Variants in RALYL observed in about 807,000 individuals in gnomAD.
RALYL encodes RNA-binding Raly-like protein.
In RALYL, 29 loss-of-function variants were observed where a neutral mutation model predicts 35.1. The ratio of observed to expected loss-of-function variants is 0.83; its 90% confidence interval spans 0.61 to 1.13. The LOEUF (loss-of-function observed/expected upper bound fraction) is 1.13, where lower values mean the gene tolerates loss of function less well. RALYL is among the 50% of genes most tolerant of loss of function. RALYL has a pLI of 0.00. For missense variants in RALYL, 359 were observed against 360.4 expected (o/e 1.00, Z 0.03); for synonymous variants, 120 against 127.6 (o/e 0.94, Z 0.40).
chr8:84,668,876 A>C (rs1180375653), intron 2 of RALYL, among the ~76,000 whole-genome samples: 1 of 152,122 alleles, frequency 6.6e-6, no homozygotes, highest in African/African-American at 2.4e-5. Flanking sequence ...GTAGACAATC[A>C]AGTATCCAAG....
chr8:84,722,126 G>A lies in RALYL; in HGVS notation c.257-52453G>A, dbSNP rs570049301. On this transcript the variant is annotated intron_variant, in intron 2 of 8. Transcript: ENST00000521268. ...GCTTTGGCAAATTTCTAACATAAAA[G>A]CTTAGAATGTAAGAATTGAAAAAAA... 3.3e-5 allele frequency among the ~76,000 whole-genome samples: 5 copies of A among 152,018 alleles called. No individual in the cohort carries two copies. The South Asian group carries it at 1.0e-3, about 32-fold the overall frequency.
intron 1 of RALYL, among the ~76,000 whole-genome samples, chr8:84,204,538 A>G (rs1227914318): frequency 6.6e-6 from 1 of 152,100 alleles, no homozygotes; most frequent in Non-Finnish European, 1.5e-5. Flanking sequence ...GAACAACAAT[A>G]TTACCTAAAT....
intron 8 of RALYL, among the ~76,000 whole-genome samples, chr8:84,896,933 T>C (rs1200121051): frequency 1.3e-5 from 2 of 152,134 alleles, no homozygotes; most frequent in South Asian, 2.1e-4. Context: ...TTCAGATAAA[T>C]AGTAAATGAT....
intron 1 of RALYL, among the ~76,000 whole-genome samples, chr8:84,438,138 A>G (rs935814858): frequency 5.9e-5 from 9 of 151,848 alleles, no homozygotes; most frequent in African/African-American, 1.5e-4. Context: ...TAACTTTCTT[A>G]TATATTCTGG....
At position 84,840,013 on chromosome 8, in the gene RALYL, G is replaced by A. The variant is rs530408013; in HGVS notation, c.366-9967G>A. ...CAAAGGTAGATAAAACCACAAAGAT[G>A]GGGAAAAAACAGAGCAGAAAAACTG... On this transcript the variant is annotated intron_variant, in intron 4 of 8. Coordinates refer to ENST00000521268, the MANE Select transcript of RALYL (RefSeq NM_173848.7). Among the ~76,000 whole-genome samples the A allele has an allele frequency of 5.4e-3, 818 of 152,200 alleles. 4 individuals are homozygous for A. Among genetic ancestry groups the A allele is most frequent in the African/African-American group, 0.019 (770 of 41,498 alleles).
At position 84,710,288 on chromosome 8, in the gene RALYL, T is replaced by TTTTG. The variant is rs113072612; in HGVS notation, c.257-64267_257-64264dup. On this transcript the variant is annotated intron_variant, in intron 2 of 8. Coordinates refer to ENST00000521268, the MANE Select transcript of RALYL (RefSeq NM_173848.7). ...CCTTCTATCTTTTCAGTTCATATAT[T>TTTTG]TTTGTTTGTTTGTTTGTTTGTTTGT... 2.7e-3 allele frequency among the ~76,000 whole-genome samples: 412 copies of TTTTG among 151,988 alleles called. 2 individuals are homozygous for TTTTG. Among genetic ancestry groups the TTTTG allele is most frequent in the African/African-American group, 8.7e-3 (359 of 41,466 alleles).
chr8:84,683,355 G>C (rs921389691), intron 2 of RALYL, among the ~76,000 whole-genome samples: 3 of 152,218 alleles, frequency 2.0e-5, no homozygotes, highest in African/African-American at 7.2e-5. Context: ...ATGTCTATTA[G>C]GTCTGCTTGG....
At chr8:84,542,909 G>A (rs1319362011) in intron 2 of RALYL, among the ~76,000 whole-genome samples, 2 of 152,018 alleles carry the variant, frequency 1.3e-5, no homozygotes, top group East Asian at 1.9e-4. Flanking sequence ...TCATTGACAC[G>A]TCCCTTAAGT....
At chr8:84,760,303 C>A (rs182053445) in intron 2 of RALYL, among the ~76,000 whole-genome samples, 1 of 152,068 alleles carries the variant, frequency 6.6e-6, no homozygotes, top group East Asian at 1.9e-4. Context: ...AATGTTCTTA[C>A]TAAATTAGGA....
At chr8:84,542,237 G>A (rs774755073) in intron 2 of RALYL, among the ~76,000 whole-genome samples, 3 of 151,468 alleles carry the variant, frequency 2.0e-5, no homozygotes, top group Admixed American at 6.6e-5. Flanking sequence ...TACATCATCC[G>A]TTTCCTCCTC....
chr8:84,858,886 G>A (rs930823364), intron 5 of RALYL, among the ~76,000 whole-genome samples: 1 of 152,108 alleles, frequency 6.6e-6, no homozygotes, highest in Non-Finnish European at 1.5e-5. Context: ...ACTCAAGAGT[G>A]CCCAATGAAA....
intron 1 of RALYL, among the ~76,000 whole-genome samples, chr8:84,336,688 C>G (rs1352870208): frequency 2.0e-5 from 3 of 151,982 alleles, no homozygotes; most frequent in Admixed American, 6.6e-5. Flanking sequence ...ATGAGAAGTT[C>G]CAAAGAAACA....
At chr8:84,430,122 C>T (rs1457151505) in intron 1 of RALYL, among the ~76,000 whole-genome samples, 1 of 151,788 alleles carries the variant, frequency 6.6e-6, no homozygotes, top group African/African-American at 2.4e-5. Flanking sequence ...TGTGTAATTC[C>T]ATGCTAAACA....
chr8:84,814,193 C>A (rs189336074), intron 4 of RALYL, among the ~76,000 whole-genome samples: 37 of 152,226 alleles, frequency 2.4e-4, no homozygotes, highest in Middle Eastern at 6.8e-3. Context: ...GCTATCATTA[C>A]AATTCTGGAA....
At chr8:84,437,076 A>G (rs2047816775) in intron 1 of RALYL, among the ~76,000 whole-genome samples, 1 of 151,986 alleles carries the variant, frequency 6.6e-6, no homozygotes, top group Non-Finnish European at 1.5e-5. Context: ...TTTTATGTCC[A>G]TGTGTGTCCA....
At chr8:84,850,629 C>G (rs771286109) in intron 5 of RALYL, among the ~76,000 whole-genome samples, 7 of 152,192 alleles carry the variant, frequency 4.6e-5, no homozygotes, top group Non-Finnish European at 7.3e-5. Context: ...ATTTAGTATA[C>G]TATAATTTAA....
At chr8:84,813,353 T>G (rs919734818) in intron 4 of RALYL, among the ~76,000 whole-genome samples, 3 of 152,164 alleles carry the variant, frequency 2.0e-5, no homozygotes, top group East Asian at 3.9e-4. Context: ...TTGCAGTTGA[T>G]CTGGAGCTAA....
intron 1 of RALYL, among the ~76,000 whole-genome samples, chr8:84,202,654 G>C (rs1045488203): frequency 5.3e-5 from 8 of 152,090 alleles, no homozygotes; most frequent in Non-Finnish European, 4.4e-5. Context: ...TTACAGGCGT[G>C]AGCCACCGTG....
chr8:84,650,966 C>T lies in RALYL; in HGVS notation c.256+121389C>T, dbSNP rs535160020. Among the ~76,000 whole-genome samples, 8 of 152,036 alleles carry T rather than the reference C, an allele frequency of 5.3e-5. No homozygotes were observed. In the South Asian group the frequency reaches 1.7e-3, roughly 32 times the overall value. ...AATCATCATTCTCAGTAAACTATCA[C>T]AAGAACAAAAAACCAAACACCGCAT... On this transcript the variant is annotated intron_variant, in intron 2 of 8. Coordinates refer to ENST00000521268, the MANE Select transcript of RALYL (RefSeq NM_173848.7).
Sources: allele counts gnomAD v4.1 joint callset (sites outside exome capture counted in the v4.1 genomes callset), GRCh38; gene constraint gnomAD v4.1.1; transcripts MANE v1.5; gene names NCBI Gene and HGNC (gene_info 2026-07-23, HGNC 2026-07-21).